NOVA1: variants seen among roughly 807,000 people sequenced by gnomAD.
The protein encoded by NOVA1 is RNA-binding protein Nova-1.
In NOVA1, 7 loss-of-function variants were observed where a neutral mutation model predicts 38.0. The ratio of observed to expected loss-of-function variants is 0.18; its 90% CI spans 0.10 to 0.35. The LOEUF (loss-of-function observed/expected upper bound fraction) is 0.35. NOVA1 is among the 10% of genes least tolerant of loss of function. NOVA1 has a pLI of 1.00. For missense variants in NOVA1, 460 were observed against 616.0 expected (o/e 0.75, Z 2.68); for synonymous variants, 270 against 232.5 (o/e 1.16, Z -1.47).
intron 4 of NOVA1, among the ~76,000 whole-genome samples, chr14:26,470,798 T>C (rs55855909): frequency 0.014 from 2,107 of 152,202 alleles, 42 homozygotes; most frequent in African/African-American, 0.046. Context: ...CCAAGGTTTT[T>C]TACCTTGAGA....
intron 4 of NOVA1, among the ~76,000 whole-genome samples, chr14:26,455,661 C>T (rs1045977252): frequency 2.0e-5 from 3 of 151,654 alleles, no homozygotes; most frequent in Non-Finnish European, 4.4e-5. Flanking sequence ...ATATACAACA[C>T]TATATCCCAG....
rs767528360 is a variant in NOVA1 at position 26,456,976 on chromosome 14, C to CAT, written c.520-8014_520-8013insAT. Among the ~76,000 whole-genome samples, 758 of 147,016 alleles carry CAT rather than the reference C, an allele frequency of 5.2e-3. 3 individuals are homozygous for CAT. Among genetic ancestry groups the CAT allele is most frequent in the Non-Finnish European group, 9.1e-3 (601 of 66,358 alleles). ...ACACACAAATATATACACACACACA[C>CAT]ACATATATATATATGTAGTTTGGGT... is the stretch of plus-strand genomic sequence containing the variant. On this transcript the variant is annotated intron_variant, in intron 4 of 4. Coordinates refer to ENST00000539517, the MANE Select transcript of NOVA1 (RefSeq NM_002515.3).
Position 26,597,060 on chromosome 14 carries a change from A to C in NOVA1, c.136+241T>G, listed in dbSNP as rs556604482. On this transcript the variant is annotated intron_variant, in intron 1 of 4. Transcript: ENST00000539517. The stretch of plus-strand genomic sequence containing the variant: ...ATGGAAAGATAGGTCTATTCCGAAA[A>C]ACTGGTCGCCATTTTGATGAATGAT... 5 of 1,227,646 alleles carry C rather than the reference A, an allele frequency of 4.1e-6. No individual in the cohort carries two copies. In the South Asian group the frequency reaches 2.1e-4, roughly 51 times the overall value. The allele number at this position is 1,227,646 out of a possible 1,614,324, so 76.0% of individuals were successfully genotyped here. A position where few individuals can be genotyped will look rare whatever the true frequency, so the allele number is the denominator to read the frequency against.
intron 2 of NOVA1, among the ~76,000 whole-genome samples, chr14:26,562,998 C>T (rs554696335): frequency 6.6e-6 from 1 of 152,184 alleles, no homozygotes; most frequent in East Asian, 1.9e-4. Context: ...AGTTTAAGAA[C>T]TCAGATAACA....
intron 2 of NOVA1, among the ~76,000 whole-genome samples, chr14:26,507,494 T>A (rs1027980914): frequency 6.6e-6 from 1 of 152,150 alleles, no homozygotes; most frequent in Non-Finnish European, 1.5e-5. Flanking sequence ...CCAAAACAAA[T>A]TTTGAAAGTC....
At chr14:26,499,899 T>C (rs1281200175) in intron 2 of NOVA1, among the ~76,000 whole-genome samples, 1 of 152,142 alleles carries the variant, frequency 6.6e-6, no homozygotes, top group Non-Finnish European at 1.5e-5. Context: ...GTTAATACTA[T>C]AAATACTATA....
Position 26,447,761 on chromosome 14 carries a change from G to A in NOVA1, c.*198C>T. 1.7e-6 allele frequency: 1 copy of A among 598,482 alleles called. No homozygotes were observed. The allele number at this position is 598,482 out of a possible 1,614,324, so 37.1% of individuals were successfully genotyped here. A position where few individuals can be genotyped will look rare whatever the true frequency, so the allele number is the denominator to read the frequency against. ...CAAGCAAAGTATAGAGAACAAAACAGATCAAGAAAAAATTCTTTCTATGAA... is the reference window on the plus strand; with the variant it reads ...CAAGCAAAGTATAGAGAACAAAACAAATCAAGAAAAAATTCTTTCTATGAA... On this transcript the variant is annotated 3_prime_UTR_variant, in exon 5 of 5. Coordinates refer to ENST00000539517, the MANE Select transcript of NOVA1 (RefSeq NM_002515.3).
chr14:26,492,048 G>T (rs941829465), intron 2 of NOVA1, among the ~76,000 whole-genome samples: 2 of 151,786 alleles, frequency 1.3e-5, no homozygotes, highest in African/African-American at 4.8e-5. Context: ...ACAACATTAA[G>T]TGTACTCACC....
In NOVA1 at chr14:26,446,877, G is replaced by A. The variant is rs894441544; in HGVS notation, c.*1082C>T. On this transcript the variant is annotated 3_prime_UTR_variant, in exon 5 of 5. Transcript: ENST00000539517. Reference sequence around the variant, plus strand: ...TGCTCCACAAAACATGCAAATTACCGAGTATTAGAAACTGCATTGGCTGCT... The same window carrying A: ...TGCTCCACAAAACATGCAAATTACCAAGTATTAGAAACTGCATTGGCTGCT... 1.3e-5 allele frequency: 2 copies of A among 152,622 alleles called. No individual in the cohort carries two copies. Among genetic ancestry groups the A allele is most frequent in the African/African-American group, 2.4e-5 (1 of 41,452 alleles). The allele number at this position is 152,622 out of a possible 1,614,324, so 9.5% of individuals were successfully genotyped here.
At chr14:26,511,408 T>C (rs1888071911) in intron 2 of NOVA1, among the ~76,000 whole-genome samples, 2 of 152,186 alleles carry the variant, frequency 1.3e-5, no homozygotes, top group Admixed American at 6.5e-5. Flanking sequence ...TCTCATTATA[T>C]CGTTAAACAC....
At chr14:26,589,821 G>T (rs1893736524) in intron 2 of NOVA1, among the ~76,000 whole-genome samples, 1 of 151,674 alleles carries the variant, frequency 6.6e-6, no homozygotes, top group African/African-American at 2.4e-5. Context: ...CAATGTAGTT[G>T]AAAATATTTC....
intron 2 of NOVA1, among the ~76,000 whole-genome samples, chr14:26,509,444 T>C (rs972488566): frequency 2.0e-5 from 3 of 152,156 alleles, no homozygotes; most frequent in Non-Finnish European, 2.9e-5. Context: ...CAATTAAGTA[T>C]GAGAAGCAAT....
At chr14:26,502,841 G>A (rs1395402265) in intron 2 of NOVA1, among the ~76,000 whole-genome samples, 1 of 151,960 alleles carries the variant, frequency 6.6e-6, no homozygotes, top group Non-Finnish European at 1.5e-5. Context: ...GATAACACTA[G>A]TTTCATGTTT....
Position 26,585,022 on chromosome 14 carries a change from T to G in NOVA1, c.280+10388A>C, listed in dbSNP as rs547029268. On this transcript the variant is annotated intron_variant, in intron 2 of 4. Coordinates refer to ENST00000539517, the MANE Select transcript of NOVA1 (RefSeq NM_002515.3). ...CTATGATATGGTTATTTTAACCCAC[T>G]GTTCTCCATTACTTTTTAAAATATA... Among the ~76,000 whole-genome samples the G allele has an allele frequency of 7.3e-5, 11 of 151,540 alleles. No individual in the cohort carries two copies. In the Middle Eastern group the frequency reaches 0.014, roughly 187 times the overall value.
At chr14:26,532,991 A>G (rs891348654) in intron 2 of NOVA1, among the ~76,000 whole-genome samples, 11 of 152,220 alleles carry the variant, frequency 7.2e-5, no homozygotes, top group Admixed American at 5.9e-4. Context: ...TCTATAATAG[A>G]TAACTTTGGT....
intron 2 of NOVA1, among the ~76,000 whole-genome samples, chr14:26,588,949 T>C (rs1298525045): frequency 6.6e-6 from 1 of 151,314 alleles, no homozygotes; most frequent in Non-Finnish European, 1.5e-5. Context: ...TTATTACCAA[T>C]ACTGGTAAAT....
chr14:26,495,551 T>C (rs1177737742), intron 2 of NOVA1, among the ~76,000 whole-genome samples: 3 of 151,954 alleles, frequency 2.0e-5, no homozygotes, highest in South Asian at 2.1e-4. Context: ...AATGTGCAGG[T>C]TAGTTACATA....
chr14:26,450,733 C>G lies in NOVA1; in HGVS notation c.520-1770G>C, dbSNP rs562236850. ...TAGAAAGTTAAACTATGATTATATA[C>G]TATACCAATTATAAAGATGAATTAC... On this transcript the variant is annotated intron_variant, in intron 4 of 4. Coordinates refer to ENST00000539517, the MANE Select transcript of NOVA1 (RefSeq NM_002515.3). Among the ~76,000 whole-genome samples, 55 of 152,212 alleles carry G rather than the reference C, an allele frequency of 3.6e-4. No homozygotes were observed. In the East Asian group the frequency reaches 0.01, roughly 28 times the overall value.
intron 1 of NOVA1, chr14:26,597,055 C>G: frequency 5.7e-6 from 7 of 1,223,884 alleles, no homozygotes; most frequent in Non-Finnish European, 7.1e-6. Flanking sequence ...AGGTCTATTC[C>G]GAAAAACTGG....
Sources: allele counts gnomAD v4.1 joint callset (sites outside exome capture counted in the v4.1 genomes callset), GRCh38; gene constraint gnomAD v4.1.1; transcripts MANE v1.5; gene names NCBI Gene and HGNC (gene_info 2026-07-23, HGNC 2026-07-21).